Variants in ATXN1 observed in about 807,000 individuals in gnomAD.
ATXN1 encodes ataxin 1.
A neutral mutation model predicts 56.4 loss-of-function variants in ATXN1; 8 were observed. The observed-to-expected ratio is 0.14, with a 90% CI of 0.08 to 0.26. The LOEUF (loss-of-function observed/expected upper bound fraction) is 0.26, where lower values mean the gene tolerates loss of function less well. Ranked by LOEUF, ATXN1 falls within the 10% of genes least tolerant of loss-of-function variation. ATXN1 has a pLI of 1.00. For synonymous variants in ATXN1, 514 were observed against 494.6 expected (o/e 1.04, Z -0.52); for missense variants, 987 against 1,106.5 (o/e 0.89, Z 1.53).
chr6:16,332,189 TGA>T (rs1761007579), intron 6 of ATXN1, among the ~76,000 whole-genome samples: 1 of 152,136 alleles, frequency 6.6e-6, no homozygotes, highest in African/African-American at 2.4e-5. Flanking sequence ...TCTCTAACGC[TGA>T]GGTATGTGTC....
chr6:16,757,983 C>G lies in ATXN1; in HGVS notation c.-730+3315G>C, dbSNP rs540435445. Among the ~76,000 whole-genome samples the G allele has an allele frequency of 4.6e-5, 7 of 152,250 alleles. No individual in the cohort carries two copies. In the East Asian group the frequency reaches 1.3e-3, roughly 29 times the overall value. On this transcript the variant is annotated intron_variant, in intron 1 of 7. Coordinates refer to ENST00000436367, the MANE Select transcript of ATXN1 (RefSeq NM_001128164.2). ...ATGTTTATTGTCCAAAAGCACCATG[C>G]ACTATCAGTCCTCTAGCTATAGGCC... is the stretch of plus-strand genomic sequence containing the variant.
chr6:16,347,855 C>A (rs936169501), intron 6 of ATXN1, among the ~76,000 whole-genome samples: 6 of 152,114 alleles, frequency 3.9e-5, no homozygotes, highest in African/African-American at 1.2e-4. Context: ...TCTCCGATCC[C>A]TTTCCACACT....
rs531985836 is a variant in ATXN1, at chr6:16,323,823, C to G, written c.1917+2571G>C. Among the ~76,000 whole-genome samples the G allele has an allele frequency of 3.9e-5, 6 of 152,276 alleles. No individual in the cohort carries two copies. In the South Asian group the frequency reaches 1.2e-3, roughly 32 times the overall value. ...AGAGTCAACTTTGCTCAAGGTAGTT[C>G]ATTTTCTTTCTCCTAGTACCCACCC... On this transcript the variant is annotated intron_variant, in intron 7 of 7. Coordinates refer to ENST00000436367, the MANE Select transcript of ATXN1 (RefSeq NM_001128164.2).
At chr6:16,311,201 G>C (rs1280377913) in intron 7 of ATXN1, among the ~76,000 whole-genome samples, 1 of 152,182 alleles carries the variant, frequency 6.6e-6, no homozygotes, top group East Asian at 1.9e-4. Context: ...TATTAGTATG[G>C]AATAGTATTG....
intron 6 of ATXN1, among the ~76,000 whole-genome samples, chr6:16,352,998 G>T (rs1363365288): frequency 6.6e-6 from 1 of 152,122 alleles, no homozygotes; most frequent in African/African-American, 2.4e-5. Context: ...TGACTCACCG[G>T]CGGGGAGCGC....
chr6:16,368,906 T>C lies in ATXN1; in HGVS notation c.-160-40436A>G, dbSNP rs554875624. On this transcript the variant is annotated intron_variant, in intron 6 of 7. Coordinates refer to ENST00000436367, the MANE Select transcript of ATXN1 (RefSeq NM_001128164.2). ...TCAGTATCTGGAATGTTGAAAGGTA[T>C]CTTTACTTCAATATGTGTGCAAGAT... 4.8e-4 allele frequency among the ~76,000 whole-genome samples: 73 copies of C among 152,354 alleles called. 1 individual carries two copies. In the South Asian group the frequency reaches 0.014, roughly 30 times the overall value.
chr6:16,325,047 T>G (rs1760770034), intron 7 of ATXN1, among the ~76,000 whole-genome samples: 1 of 151,748 alleles, frequency 6.6e-6, no homozygotes, highest in Admixed American at 6.6e-5. Context: ...ATATGCAAAC[T>G]AACCAGTCCA....
chr6:16,332,543 T>G (rs987137212), intron 6 of ATXN1, among the ~76,000 whole-genome samples: 1 of 152,168 alleles, frequency 6.6e-6, no homozygotes, highest in Non-Finnish European at 1.5e-5. Context: ...TGGAAGCACC[T>G]GCCACAACAA....
chr6:16,595,509 C>A (rs1010748069), intron 3 of ATXN1, among the ~76,000 whole-genome samples: 3 of 152,256 alleles, frequency 2.0e-5, no homozygotes, highest in Admixed American at 1.3e-4. Flanking sequence ...CAGGAAAGCA[C>A]CACAGCTGAC....
At chr6:16,527,595 A>G (rs1280162832) in intron 4 of ATXN1, among the ~76,000 whole-genome samples, 1 of 152,156 alleles carries the variant, frequency 6.6e-6, no homozygotes, top group Non-Finnish European at 1.5e-5. Flanking sequence ...TAAATGCTTC[A>G]TCCCTGGTCC....
At position 16,443,363 on chromosome 6, in the gene ATXN1, T is replaced by C. The variant is rs1759562959; in HGVS notation, c.-161+42609A>G. 2.0e-5 allele frequency among the ~76,000 whole-genome samples: 3 copies of C among 152,196 alleles called. No individual in the cohort carries two copies. In the South Asian group the frequency reaches 6.2e-4, roughly 32 times the overall value. On this transcript the variant is annotated intron_variant, in intron 6 of 7. Transcript: ENST00000436367. ...ACTTCACCTTGTTTTGTGGGTTTTG[T>C]TTCAGGAAAATTTAAATATTTTTAT...
intron 4 of ATXN1, among the ~76,000 whole-genome samples, chr6:16,570,725 C>T (rs1161382625): frequency 1.3e-5 from 2 of 152,150 alleles, no homozygotes; most frequent in South Asian, 2.1e-4. Context: ...CCATTCCCCA[C>T]GCCTAACTCT....
At chr6:16,756,185 G>A (rs1760881383) in intron 1 of ATXN1, among the ~76,000 whole-genome samples, 1 of 151,846 alleles carries the variant, frequency 6.6e-6, no homozygotes, top group Admixed American at 6.6e-5. Flanking sequence ...CATAAGATTT[G>A]TCTAAAACCA....
chr6:16,708,596 C>A (rs1417516788), intron 2 of ATXN1, among the ~76,000 whole-genome samples: 1 of 152,074 alleles, frequency 6.6e-6, no homozygotes, highest in South Asian at 2.1e-4. Context: ...GATTTCTAGA[C>A]AAGGAGAATT....
intron 2 of ATXN1, among the ~76,000 whole-genome samples, chr6:16,690,840 C>CCAAT (rs1324728924): frequency 6.6e-6 from 1 of 152,136 alleles, no homozygotes; most frequent in African/African-American, 2.4e-5. Flanking sequence ...AATCTCCCCT[C>CCAAT]CAATCCCCTT....
intron 6 of ATXN1, among the ~76,000 whole-genome samples, chr6:16,329,209 C>A (rs1356829457): frequency 1.3e-5 from 2 of 152,172 alleles, no homozygotes; most frequent in East Asian, 3.9e-4. Flanking sequence ...TAAAATGAAG[C>A]CCTTGGAGAG....
At position 16,334,383 on chromosome 6, in the gene ATXN1, A is replaced by G. The variant is rs529115667; in HGVS notation, c.-160-5913T>C. ...AAGTTTTTGTTTGACTATACACTCA[A>G]TATGAACAACCATTTGGTAGGGTTC... On this transcript the variant is annotated intron_variant, in intron 6 of 7. Coordinates refer to ENST00000436367, the MANE Select transcript of ATXN1 (RefSeq NM_001128164.2). Among the ~76,000 whole-genome samples the G allele has an allele frequency of 7.7e-4, 117 of 152,264 alleles. 1 individual carries two copies. The highest frequency in any genetic ancestry group is 2.5e-3 in the African/African-American group (103 of 41,544).
rs1031716920 is a variant in ATXN1 at position 16,493,559 on chromosome 6, C to T, written c.-298-7450G>A. The stretch of plus-strand genomic sequence containing the variant: ...TTATTCCTTATCCTACAATAGGTGT[C>T]ATCTCCCCAAGTGGAATGTGGTAAC... On this transcript the variant is annotated intron_variant, in intron 5 of 7. Coordinates refer to ENST00000436367, the MANE Select transcript of ATXN1 (RefSeq NM_001128164.2). 5.4e-5 allele frequency among the ~76,000 whole-genome samples: 8 copies of T among 149,368 alleles called. 1 individual carries two copies.
intron 3 of ATXN1, among the ~76,000 whole-genome samples, chr6:16,602,332 T>C (rs1237346318): frequency 2.0e-5 from 3 of 152,210 alleles, no homozygotes; most frequent in Non-Finnish European, 2.9e-5. Flanking sequence ...TCACTGTTTT[T>C]GCTCCGCCCA....
Sources: gnomAD v4.1 joint callset for allele counts (sites outside exome capture counted in the v4.1 genomes callset) on GRCh38, gnomAD v4.1.1 for gene constraint, MANE v1.5 for transcripts, NCBI Gene and HGNC (gene_info 2026-07-23, HGNC 2026-07-21) for gene names.